CSMD1: variants seen among roughly 807,000 people sequenced by gnomAD.
CSMD1 encodes the protein CUB and Sushi multiple domains 1, also known as CUB and sushi domain-containing protein 1.
Under a neutral mutation model 417.5 loss-of-function variants are expected in CSMD1, and 213 were observed. The observed-to-expected ratio is 0.51, with a 90% CI of 0.46 to 0.57. The LOEUF (loss-of-function observed/expected upper bound fraction) is 0.57. Ranked by LOEUF, CSMD1 falls within the 20% of genes least tolerant of loss-of-function variation. CSMD1 has a pLI of 0.00. For missense variants in CSMD1, 6,923 were observed against 4,529.7 expected, an observed-to-expected ratio of 1.53 and a Z score of -15.17; for synonymous variants, 2,862 against 1,736.8, an observed-to-expected ratio of 1.65 and a Z score of -16.11.
chr8:3,452,667 C>A (rs1273312378), intron 12 of CSMD1, among the ~76,000 whole-genome samples: 1 of 152,080 alleles, frequency 6.6e-6, no homozygotes, highest in South Asian at 2.1e-4. Context: ...GGGATGAAAC[C>A]CACTTGATCA....
chr8:4,808,409 GA>G (rs1007756968), intron 1 of CSMD1, among the ~76,000 whole-genome samples: 1 of 152,122 alleles, frequency 6.6e-6, no homozygotes, highest in Non-Finnish European at 1.5e-5. Flanking sequence ...GAATTCAAAG[GA>G]AAAAGACGGA....
chr8:4,389,068 C>A (rs1803663971), intron 3 of CSMD1, among the ~76,000 whole-genome samples: 1 of 152,144 alleles, frequency 6.6e-6, no homozygotes, highest in South Asian at 2.1e-4. Context: ...ATTTGCTTTT[C>A]TCTTACTCTA....
Position 4,936,795 on chromosome 8 carries a change from ATATAT to A in CSMD1, c.85+57532_85+57536del, listed in dbSNP as rs1807650139. On this transcript the variant is annotated intron_variant, in intron 1 of 69. Transcript: ENST00000635120. ...TGTCCCTAAAACACACTCAAATAAA[ATATAT>A]TAAATGGATTTTATAACAGCTTTGC... Among the ~76,000 whole-genome samples, 4 of 152,366 alleles carry A rather than the reference ATATAT, an allele frequency of 2.6e-5. No homozygotes were observed. In the South Asian group the frequency reaches 8.3e-4, roughly 32 times the overall value.
intron 3 of CSMD1, among the ~76,000 whole-genome samples, chr8:4,059,667 C>T (rs1046256611): frequency 6.6e-6 from 1 of 152,212 alleles, no homozygotes; most frequent in East Asian, 1.9e-4. Flanking sequence ...ACAAACACCT[C>T]TACGCAAATA....
At chr8:3,990,548 C>A (rs1031805412) in intron 5 of CSMD1, among the ~76,000 whole-genome samples, 1 of 152,164 alleles carries the variant, frequency 6.6e-6, no homozygotes, top group African/African-American at 2.4e-5. Flanking sequence ...ATAGCTACCA[C>A]CATTCAATAA....
chr8:4,266,346 AAC>A lies in CSMD1; in HGVS notation c.415+153605_415+153606del, dbSNP rs1348238559. 1.9e-5 allele frequency among the ~76,000 whole-genome samples: 2 copies of A among 105,646 alleles called. 1 individual carries two copies. Among genetic ancestry groups the A allele is most frequent in the Non-Finnish European group, 5.1e-5 (2 of 39,252 alleles). The allele number at this position is 105,646 out of a possible 152,430, so 69.3% of individuals were successfully genotyped here. Reference sequence around the variant, plus strand: ...AAACAGTTGATTTTGGAGAAAAACAAACACAACTTTTTAATATTTTCAAGAAT... The same window carrying A: ...AAACAGTTGATTTTGGAGAAAAACAAACAACTTTTTAATATTTTCAAGAAT... On this transcript the variant is annotated intron_variant, in intron 3 of 69. Transcript: ENST00000635120.
chr8:3,996,598 G>C (rs1030388194), intron 5 of CSMD1, among the ~76,000 whole-genome samples: 1 of 152,050 alleles, frequency 6.6e-6, no homozygotes, highest in Non-Finnish European at 1.5e-5. Flanking sequence ...AGCGAGATAG[G>C]TAATAATTTA....
chr8:4,802,168 T>C (rs1282538635), intron 1 of CSMD1, among the ~76,000 whole-genome samples: 2 of 152,214 alleles, frequency 1.3e-5, no homozygotes, highest in Admixed American at 6.5e-5. Context: ...AAGGAACTCA[T>C]TTAGATTAGT....
At chr8:4,477,741 G>T (rs997705190) in intron 2 of CSMD1, among the ~76,000 whole-genome samples, 11 of 152,090 alleles carry the variant, frequency 7.2e-5, no homozygotes, top group African/African-American at 2.7e-4. Context: ...AGCCATTCTT[G>T]TCCAAACCTC....
At chr8:4,131,846 TC>T (rs1165956372) in intron 3 of CSMD1, among the ~76,000 whole-genome samples, 3 of 133,536 alleles carry the variant, frequency 2.2e-5, no homozygotes, top group African/African-American at 8.4e-5. Flanking sequence ...CACTGCAAGC[TC>T]CATCTCCCAG....
intron 6 of CSMD1, among the ~76,000 whole-genome samples, chr8:3,730,399 A>C (rs1248565215): frequency 8.1e-6 from 1 of 123,230 alleles, no homozygotes; most frequent in African/African-American, 3.0e-5. Context: ...CCTGTGTCTG[A>C]TCACCACTGA....
intron 1 of CSMD1, among the ~76,000 whole-genome samples, chr8:4,757,581 T>C (rs917922811): frequency 2.0e-5 from 3 of 152,158 alleles, no homozygotes; most frequent in South Asian, 4.1e-4. Context: ...GTCTGAGCAA[T>C]AGCCTACAGG....
intron 1 of CSMD1, among the ~76,000 whole-genome samples, chr8:4,903,064 C>T (rs1254560028): frequency 2.0e-5 from 3 of 151,198 alleles, no homozygotes; most frequent in Admixed American, 6.6e-5. Flanking sequence ...ACTTTGAATA[C>T]TGTCATGTAT....
intron 3 of CSMD1, among the ~76,000 whole-genome samples, chr8:4,050,653 G>C (rs532702282): frequency 6.6e-6 from 1 of 151,692 alleles, no homozygotes; most frequent in Non-Finnish European, 1.5e-5. Context: ...GATCTTATTC[G>C]TTCTCTTTTT....
chr8:4,748,637 G>C (rs527356324), intron 1 of CSMD1, among the ~76,000 whole-genome samples: 6 of 152,192 alleles, frequency 3.9e-5, no homozygotes, highest in Non-Finnish European at 8.8e-5. Context: ...TTATTGACTG[G>C]AATGTCTCCA....
At chr8:4,793,500 G>T (rs187820448) in intron 1 of CSMD1, among the ~76,000 whole-genome samples, 2 of 151,572 alleles carry the variant, frequency 1.3e-5, no homozygotes, top group African/African-American at 2.4e-5. Flanking sequence ...CATCTCCCTG[G>T]TTCCCAGACA....
intron 5 of CSMD1, among the ~76,000 whole-genome samples, chr8:3,980,078 T>C (rs552829741): frequency 7.2e-5 from 11 of 152,248 alleles, no homozygotes; most frequent in African/African-American, 1.7e-4. Context: ...ACATCTTCTA[T>C]TCCTAATTGA....
rs374196305 is a variant in CSMD1 at position 3,308,854 on chromosome 8, G to T, written c.3632-351C>A. 9.9e-5 allele frequency among the ~76,000 whole-genome samples: 15 copies of T among 151,050 alleles called. No individual in the cohort carries two copies. The East Asian group carries it at 3.0e-3, about 30-fold the overall frequency. On this transcript the variant is annotated intron_variant, in intron 23 of 69. Transcript: ENST00000635120. Reference sequence around the variant, plus strand: ...TTCTCCTGCCTCAGCCTCCCAGGTAGCTGGGATTACAGGTGCCTGCCACCA... The same window carrying T: ...TTCTCCTGCCTCAGCCTCCCAGGTATCTGGGATTACAGGTGCCTGCCACCA...
intron 1 of CSMD1, among the ~76,000 whole-genome samples, chr8:4,781,412 G>A (rs987539905): frequency 6.6e-6 from 1 of 152,126 alleles, no homozygotes; most frequent in African/African-American, 2.4e-5. Context: ...ATCCAAGAAT[G>A]CTTACTGTCA....
Sources: gnomAD v4.1 joint callset for allele counts (sites outside exome capture counted in the v4.1 genomes callset) on GRCh38, gnomAD v4.1.1 for gene constraint, MANE v1.5 for transcripts, NCBI Gene and HGNC (gene_info 2026-07-23, HGNC 2026-07-21) for gene names.